The following PIK3C2G variants were observed in gnomAD, a reference collection of about 807,000 sequenced individuals.
The protein encoded by PIK3C2G is phosphatidylinositol-4-phosphate 3-kinase catalytic subunit type 2 gamma, also known as phosphatidylinositol 3-kinase C2 domain-containing subunit gamma.
PIK3C2G carries 168 observed loss-of-function variants against 181.1 expected under a neutral mutation model. The observed-to-expected ratio is 0.93, with a 90% CI of 0.82 to 1.05. The LOEUF is 1.05. Among genes scored for constraint, PIK3C2G ranks in the 50% least tolerant of loss-of-function variants. PIK3C2G has a pLI of 0.00. For synonymous variants in PIK3C2G, 573 were observed against 592.2 expected (o/e 0.97, Z 0.47); for missense variants, 1,869 against 1,732.8 (o/e 1.08, Z -1.40).
chr12:18,250,777 G>T (rs1271198302), intron 1 of PIK3C2G, among the ~76,000 whole-genome samples: 1 of 151,852 alleles, frequency 6.6e-6, no homozygotes, highest in Non-Finnish European at 1.5e-5. Context: ...AGAAAAGTAG[G>T]CCAGGCTTAC....
intron 1 of PIK3C2G, among the ~76,000 whole-genome samples, chr12:18,271,682 CTTATACTGAGATT>C (rs1283082518): frequency 1.3e-5 from 2 of 152,228 alleles, no homozygotes; most frequent in East Asian, 3.9e-4. Context: ...CTGATTGTCT[CTTATACTGAGATT>C]TTATTCTCAT....
At chr12:18,613,496 AT>A (rs1948447415) in intron 31 of PIK3C2G, among the ~76,000 whole-genome samples, 1 of 152,048 alleles carries the variant, frequency 6.6e-6, no homozygotes, top group Non-Finnish European at 1.5e-5. Context: ...ATTACTTTTA[AT>A]TTTTTTATTT....
At chr12:18,273,200 T>C (rs1238196695) in intron 1 of PIK3C2G, among the ~76,000 whole-genome samples, 3 of 152,172 alleles carry the variant, frequency 2.0e-5, no homozygotes, top group Non-Finnish European at 4.4e-5. Flanking sequence ...ATGCATACAT[T>C]ATTTTCCAGC....
At chr12:18,433,400 C>T (rs1337108387) in intron 18 of PIK3C2G, among the ~76,000 whole-genome samples, 1 of 152,016 alleles carries the variant, frequency 6.6e-6, no homozygotes, top group East Asian at 1.9e-4. Flanking sequence ...GTAATCCTAG[C>T]TACTTGGGAG....
downstream of PIK3C2G, among the ~76,000 whole-genome samples, chr12:18,648,823 G>C (rs1481204698): frequency 6.6e-6 from 1 of 151,990 alleles, no homozygotes; most frequent in Non-Finnish European, 1.5e-5. Flanking sequence ...CCTGCACAGT[G>C]GGTAAAATTT....
chr12:18,267,228 C>T (rs1298863977), intron 1 of PIK3C2G, among the ~76,000 whole-genome samples: 2 of 152,012 alleles, frequency 1.3e-5, no homozygotes, highest in Non-Finnish European at 2.9e-5. Flanking sequence ...ACTGAATTTT[C>T]AGTTTCTTCA....
the PIK3C2G span, among the ~76,000 whole-genome samples, chr12:18,696,734 T>A: frequency 5.3e-5 from 8 of 152,228 alleles, no homozygotes; most frequent in South Asian, 1.2e-3. Flanking sequence ...TTAATCCTAC[T>A]GAACATTTCA....
intron 30 of PIK3C2G, among the ~76,000 whole-genome samples, chr12:18,600,292 A>G (rs73068383): frequency 1.9e-4 from 28 of 150,298 alleles, no homozygotes; most frequent in African/African-American, 6.5e-4. Context: ...TTTAGGAATT[A>G]AAAAAAAATC....
intron 32 of PIK3C2G, among the ~76,000 whole-genome samples, chr12:18,644,995 A>C (rs748744337): frequency 1.3e-5 from 2 of 152,234 alleles, no homozygotes; most frequent in African/African-American, 2.4e-5. Flanking sequence ...ATATGTTAAT[A>C]GATATTAATT....
rs192832616 is a variant in PIK3C2G, at chr12:18,618,451, A to T, written c.4182+8822A>T. ...CACCTAAAAACAAAAGTTAGAACAG[A>T]ATTTATATTCCTAATATAACTAGAT... is the stretch of plus-strand genomic sequence containing the variant. On this transcript the variant is annotated intron_variant, in intron 31 of 32. Transcript: ENST00000538779. Among the ~76,000 whole-genome samples the T allele has an allele frequency of 8.4e-4, 128 of 152,332 alleles. 3 individuals carry two copies. Among genetic ancestry groups the T allele is most frequent in the Non-Finnish European group, 7.3e-5 (5 of 68,036 alleles).
intron 3 of PIK3C2G, among the ~76,000 whole-genome samples, chr12:18,287,835 T>C (rs1051258832): frequency 4.0e-5 from 6 of 149,420 alleles, no homozygotes; most frequent in Non-Finnish European, 8.9e-5. Flanking sequence ...CACTCCAGCC[T>C]GGGCGACAGA....
chr12:18,347,133 T>C (rs1193054978), intron 11 of PIK3C2G, among the ~76,000 whole-genome samples: 2 of 152,158 alleles, frequency 1.3e-5, no homozygotes, highest in African/African-American at 4.8e-5. Context: ...TTCTTTTTCA[T>C]GTTTGGGTTT....
chr12:18,246,013 C>T (rs1948036023), upstream of PIK3C2G, among the ~76,000 whole-genome samples: 1 of 152,042 alleles, frequency 6.6e-6, no homozygotes, highest in Non-Finnish European at 1.5e-5. Flanking sequence ...ATATATTGCC[C>T]TTTAAAAGAA....
rs1949090210 is a variant in PIK3C2G at position 18,626,201 on chromosome 12, T to TTCTAAATATTGTGCATA, written c.4183-14227_4183-14226insCTAAATATTGTGCATAT. 2.6e-5 allele frequency among the ~76,000 whole-genome samples: 4 copies of TTCTAAATATTGTGCATA among 152,020 alleles called. No individual in the cohort carries two copies. In the East Asian group the frequency reaches 5.8e-4, roughly 22 times the overall value. On this transcript the variant is annotated intron_variant, in intron 31 of 32. Transcript: ENST00000538779. The stretch of plus-strand genomic sequence containing the variant: ...GTGTTTTGTGCATTTTCTATAGATT[T>TTCTAAATATTGTGCATA]TTTCTCCTTGGTTACCCTGATGCTT...
intron 5 of PIK3C2G, among the ~76,000 whole-genome samples, chr12:18,297,686 C>A (rs1318726806): frequency 6.6e-6 from 1 of 151,896 alleles, no homozygotes; most frequent in Admixed American, 6.6e-5. Flanking sequence ...TCATCCTCTC[C>A]CCATCCCATA....
chr12:18,493,742 A>C (rs927622272), intron 20 of PIK3C2G: 1 of 152,224 alleles, frequency 6.6e-6, no homozygotes, highest in African/African-American at 2.4e-5. Context: ...CTATCAGTCA[A>C]CTATACTGGG....
intron 18 of PIK3C2G, among the ~76,000 whole-genome samples, chr12:18,425,861 A>C (rs1447866595): frequency 3.3e-5 from 5 of 152,244 alleles, no homozygotes; most frequent in African/African-American, 1.2e-4. Flanking sequence ...GTTATTTATA[A>C]ATGAAATAAA....
chr12:18,267,179 A>G (rs1948538952), intron 1 of PIK3C2G, among the ~76,000 whole-genome samples: 1 of 151,778 alleles, frequency 6.6e-6, no homozygotes, highest in Non-Finnish European at 1.5e-5. Flanking sequence ...TAGTTTTCTG[A>G]TGTATCAATT....
At chr12:18,447,481 C>T (rs1454955409) in intron 18 of PIK3C2G, among the ~76,000 whole-genome samples, 1 of 152,094 alleles carries the variant, frequency 6.6e-6, no homozygotes, top group Non-Finnish European at 1.5e-5. Context: ...GGGTTGCCAC[C>T]TGGCATATAT....
Sources: allele counts gnomAD v4.1 joint callset (sites outside exome capture counted in the v4.1 genomes callset), GRCh38; gene constraint gnomAD v4.1.1; transcripts MANE v1.5; gene names NCBI Gene and HGNC (gene_info 2026-07-23, HGNC 2026-07-21).